The following PUDP variants were observed in gnomAD, a reference collection of about 807,000 sequenced individuals.
The protein encoded by PUDP is pseudouridine-5'-phosphatase.
A neutral mutation model predicts 9.4 loss-of-function variants in PUDP; 8 were observed. That is an observed-to-expected ratio of 0.85 (90% CI 0.50 to 1.53). The LOEUF (loss-of-function observed/expected upper bound fraction) is 1.53, where lower values mean the gene tolerates loss of function less well. Among genes scored for constraint, PUDP ranks in the 40% most tolerant of loss-of-function variants. The pLI is 0.00. For synonymous variants in PUDP, 99 were observed against 80.7 expected, an observed-to-expected ratio of 1.23 and a Z score of -1.22; for missense variants, 188 against 189.7, an observed-to-expected ratio of 0.99 and a Z score of 0.05.
At chrX:6,723,720 C>T (rs904050816), upstream of PUDP, among the ~76,000 whole-genome samples, 8 of 92,741 alleles carry the variant, frequency 8.6e-5, no homozygotes, top group African/African-American at 2.7e-4. Context: ...AACAAAAAAA[C>T]GCCTGATTGA....
At chrX:6,977,047 A>G (rs1337512415) in intron 3 of PUDP, among the ~76,000 whole-genome samples, 1 of 112,367 alleles carries the variant, frequency 8.9e-6, no homozygotes, top group Non-Finnish European at 1.9e-5. Flanking sequence ...GCAACAGAAA[A>G]TTGCTCTGTA....
intron 3 of PUDP, among the ~76,000 whole-genome samples, chrX:6,735,007 C>T (rs1193894444): frequency 1.8e-5 from 2 of 111,612 alleles, no homozygotes; most frequent in African/African-American, 6.5e-5. Flanking sequence ...CTGCTGGATC[C>T]GACTGGTTAC....
intron 1 of PUDP, chrX:6,989,891 T>C (rs913421984): frequency 8.9e-6 from 1 of 111,771 alleles, no homozygotes; most frequent in African/African-American, 3.3e-5. Flanking sequence ...AAAGAGAAGC[T>C]GCTCACCTTT....
chrX:6,946,700 T>A (rs1349344290), intron 3 of PUDP, among the ~76,000 whole-genome samples: 3 of 102,650 alleles, frequency 2.9e-5, no homozygotes, highest in Non-Finnish European at 4.0e-5. Flanking sequence ...AAGACGTGAA[T>A]CATATCTGAA....
At chrX:6,775,517 A>ACACC (rs1925441260) in intron 3 of PUDP, among the ~76,000 whole-genome samples, 1 of 111,133 alleles carries the variant, frequency 9.0e-6, no homozygotes, top group Non-Finnish European at 1.9e-5. Context: ...ACACACACAC[A>ACACC]CACACACACA....
intron 3 of PUDP, among the ~76,000 whole-genome samples, chrX:6,747,304 G>A (rs1205981042): frequency 1.8e-5 from 2 of 111,861 alleles, no homozygotes; most frequent in Non-Finnish European, 3.8e-5. Flanking sequence ...ACGAGCCATG[G>A]TTTTTCACCC....
intron 3 of PUDP, among the ~76,000 whole-genome samples, chrX:6,969,421 G>A (rs191450077): frequency 8.9e-6 from 1 of 112,081 alleles, no homozygotes; most frequent in Non-Finnish European, 1.9e-5. Flanking sequence ...ATCAGGCCCT[G>A]CTGTAGGAAT....
At chrX:7,105,489 G>T in intron 2 of PUDP, 131 bp downstream of exon 2, 4 of 453,315 alleles carry the variant, frequency 8.8e-6, no homozygotes, top group Non-Finnish European at 1.1e-5. Flanking sequence ...GGAGCACCAG[G>T]AGGGACTTAG....
chrX:7,050,210 T>C lies in PUDP; in HGVS notation c.*86A>G. 1 of 943,863 alleles carries C rather than the reference T, an allele frequency of 1.1e-6. No homozygotes were observed. Among genetic ancestry groups the C allele is most frequent in the Non-Finnish European group, 1.5e-6 (1 of 687,208 alleles). 77.8% of individuals were successfully genotyped at this position (943,863 alleles called of 1,213,427 possible). On this transcript the variant is annotated 3_prime_UTR_variant, in exon 4 of 4. Transcript: ENST00000381077. ...CTAAAATCACAGCGCAGGTTGGGAT[T>C]GAAGAGTTGCTGATTTCCTTTCCCT...
chrX:6,906,045 A>G (rs988544939), intron 3 of PUDP, among the ~76,000 whole-genome samples: 3 of 112,001 alleles, frequency 2.7e-5, no homozygotes, highest in African/African-American at 9.7e-5. Context: ...CCTTTTCATC[A>G]AAACCTTTTC....
intron 3 of PUDP, among the ~76,000 whole-genome samples, chrX:6,933,177 TCCCTGACCCCTGACCCCTGAC>T (rs765301261): frequency 9.6e-6 from 1 of 103,667 alleles, no homozygotes; most frequent in Admixed American, 1.1e-4. Flanking sequence ...CTCAAGTGGG[TCCCTGACCCCTGACCCCTGAC>T]CCCTGACCCC....
At chrX:6,819,478 C>T (rs1220459139) in intron 3 of PUDP, among the ~76,000 whole-genome samples, 1 of 112,498 alleles carries the variant, frequency 8.9e-6, no homozygotes, top group Non-Finnish European at 1.9e-5. Flanking sequence ...ATGACATAGG[C>T]TCCTTTGGAG....
At chrX:7,132,891 C>A (rs1932656012) in intron 1 of PUDP, among the ~76,000 whole-genome samples, 1 of 111,919 alleles carries the variant, frequency 8.9e-6, no homozygotes, top group African/African-American at 3.3e-5. Flanking sequence ...GATCTCACTG[C>A]AGGTAACCAA....
intron 3 of PUDP, among the ~76,000 whole-genome samples, chrX:6,765,040 G>T (rs1423639677): frequency 9.1e-6 from 1 of 109,419 alleles, no homozygotes; most frequent in Non-Finnish European, 1.9e-5. Context: ...GCCGAGGCAC[G>T]AGGATCGCTT....
At chrX:7,099,804 T>C (rs1483200705) in intron 2 of PUDP, among the ~76,000 whole-genome samples, 1 of 112,310 alleles carries the variant, frequency 8.9e-6, no homozygotes, top group Non-Finnish European at 1.9e-5. Flanking sequence ...CTCTGCACCA[T>C]AATCAGGGGG....
intron 1 of PUDP, among the ~76,000 whole-genome samples, chrX:7,033,886 G>C (rs1271769801): frequency 8.9e-6 from 1 of 111,940 alleles, no homozygotes; most frequent in African/African-American, 3.3e-5. Flanking sequence ...ACAGCAAAGA[G>C]AGAGGCGTAA....
chrX:6,963,800 T>C (rs1205522425), intron 3 of PUDP, among the ~76,000 whole-genome samples: 1 of 112,143 alleles, frequency 8.9e-6, no homozygotes, highest in Non-Finnish European at 1.9e-5. Context: ...TCGGATCATA[T>C]GCACAATATT....
chrX:6,894,841 T>C (rs772652556), intron 3 of PUDP, among the ~76,000 whole-genome samples: 1 of 112,118 alleles, frequency 8.9e-6, no homozygotes, highest in South Asian at 3.7e-4. Flanking sequence ...GGTTTCTTTC[T>C]TTGTTTCTAA....
At chrX:7,006,690 C>CA (rs759039346) in intron 1 of PUDP, among the ~76,000 whole-genome samples, 3 of 110,757 alleles carry the variant, frequency 2.7e-5, no homozygotes, top group Non-Finnish European at 3.8e-5. Flanking sequence ...GTGCCTTTTC[C>CA]AAAATTCAAT....
Sources: gnomAD v4.1 joint callset for allele counts (sites outside exome capture counted in the v4.1 genomes callset) on GRCh38, gnomAD v4.1.1 for gene constraint, MANE v1.5 for transcripts, NCBI Gene and HGNC (gene_info 2026-07-23, HGNC 2026-07-21) for gene names.